Variants in ECE1 observed in about 807,000 individuals in gnomAD.
ECE1 encodes the protein endothelin converting enzyme 1.
Under a neutral mutation model 98.6 loss-of-function variants are expected in ECE1, and 35 were observed. The observed-to-expected ratio is 0.35, with a 90% CI of 0.27 to 0.47. The LOEUF (loss-of-function observed/expected upper bound fraction) is 0.47. Ranked by LOEUF, ECE1 falls within the 20% of genes least tolerant of loss-of-function variation. The pLI is 1.00. For missense variants in ECE1, 814 were observed against 1,025.3 expected (o/e 0.79, Z 2.81); for synonymous variants, 394 against 407.1 (o/e 0.97, Z 0.39).
intron 14 of ECE1, among the ~76,000 whole-genome samples, chr1:21,228,942 C>T (rs1464281642): frequency 3.3e-5 from 5 of 150,378 alleles, no homozygotes; most frequent in Admixed American, 2.0e-4. Flanking sequence ...CCGGGGTTCA[C>T]GCCATTCTCC....
intron 1 of ECE1, among the ~76,000 whole-genome samples, chr1:21,316,441 GT>G (rs1481026480): frequency 6.7e-6 from 1 of 149,544 alleles, no homozygotes. Context: ...GCTAATTTTT[GT>G]ATTTTTTTTT....
At chr1:21,252,091 G>A (rs1271471314) in intron 8 of ECE1, among the ~76,000 whole-genome samples, 2 of 152,300 alleles carry the variant, frequency 1.3e-5, no homozygotes, top group East Asian at 3.9e-4. Context: ...CACAGTGGAC[G>A]AGAGCTCCAT....
At chr1:21,339,120 G>T (rs920876040) in intron 1 of ECE1, among the ~76,000 whole-genome samples, 7 of 152,226 alleles carry the variant, frequency 4.6e-5, no homozygotes, top group African/African-American at 1.7e-4. Context: ...GAGCTGGGGA[G>T]CTGGGGATCT....
chr1:21,279,367 G>C (rs536975210), intron 2 of ECE1, 35 bp from the exon 3 acceptor site: 1 of 1,613,756 alleles, frequency 6.2e-7, no homozygotes, highest in African/African-American at 1.3e-5. Context: ...CGGGGAAGAC[G>C]TGAGCCCCGG....
intron 10 of ECE1, 113 bp downstream of exon 10, chr1:21,244,876 G>C (rs568477928): frequency 2.0e-6 from 2 of 986,870 alleles, no homozygotes; most frequent in East Asian, 5.0e-5. Flanking sequence ...CACTCCTTCC[G>C]GAAGCTTCTA....
At chr1:21,300,699 G>T (rs943442125) in intron 1 of ECE1, among the ~76,000 whole-genome samples, 1 of 152,156 alleles carries the variant, frequency 6.6e-6, no homozygotes, top group East Asian at 1.9e-4. Context: ...GCCTCCCAAA[G>T]TGCTTGGATT....
intron 2 of ECE1, among the ~76,000 whole-genome samples, chr1:21,285,689 CA>C (rs11454934): frequency 0.052 from 3,762 of 71,798 alleles, 152 homozygotes; most frequent in African/African-American, 0.15. Context: ...GACCCTGCCT[CA>C]AAAAAAAAAA....
Position 21,257,506 on chromosome 1 carries a change from A to C in ECE1, c.828+19T>G, listed in dbSNP as rs1412987355. 2 of 1,613,806 alleles carry C rather than the reference A, an allele frequency of 1.2e-6. No individual in the cohort carries two copies. The highest frequency in any genetic ancestry group is 3.3e-5 in the Admixed American group (2 of 59,978). ...GGACCGTGCTGGGAGGCAGGCTGGGAGGGGAGAGGCACGCTTACCTTCTCG... is the reference window on the plus strand; with the variant it reads ...GGACCGTGCTGGGAGGCAGGCTGGGCGGGGAGAGGCACGCTTACCTTCTCG... On this transcript the variant is annotated intron_variant, in intron 7 of 18. Coordinates refer to ENST00000374893, the MANE Select transcript of ECE1 (RefSeq NM_001397.3).
At chr1:21,344,223 G>A (rs1639454245) in intron 1 of ECE1, among the ~76,000 whole-genome samples, 1 of 152,142 alleles carries the variant, frequency 6.6e-6, no homozygotes, top group South Asian at 2.1e-4. Flanking sequence ...GCAGGGGCTG[G>A]GAACCACTGT....
At chr1:21,256,313 T>C (rs2098219897) in intron 7 of ECE1, among the ~76,000 whole-genome samples, 175 bp from the exon 8 acceptor site, 1 of 152,006 alleles carries the variant, frequency 6.6e-6, no homozygotes, top group Admixed American at 6.6e-5. Flanking sequence ...CCTGGCACTT[T>C]GGGAGGCTGA....
rs942361882 is a variant in ECE1 at position 21,223,764 on chromosome 1, A to G, written c.2040+1486T>C. 1.2e-4 allele frequency among the ~76,000 whole-genome samples: 18 copies of G among 151,636 alleles called. No individual in the cohort carries two copies. The East Asian group carries it at 3.1e-3, about 26-fold the overall frequency. On this transcript the variant is annotated intron_variant, in intron 17 of 18. Coordinates refer to ENST00000374893, the MANE Select transcript of ECE1 (RefSeq NM_001397.3). Reference sequence around the variant, plus strand: ...CAGGCATGAGCCACCGTGCCCAGCCATTTTTATATTTTTAGTAGAGATGAG... The same window carrying G: ...CAGGCATGAGCCACCGTGCCCAGCCGTTTTTATATTTTTAGTAGAGATGAG...
At chr1:21,234,931 G>T (rs1195575580) in intron 13 of ECE1, among the ~76,000 whole-genome samples, 1 of 152,200 alleles carries the variant, frequency 6.6e-6, no homozygotes, top group Non-Finnish European at 1.5e-5. Context: ...GATTCTCAAG[G>T]AAAAGGCAGC....
chr1:21,292,134 C>T (rs548739044), upstream of ECE1, among the ~76,000 whole-genome samples: 31 of 151,876 alleles, frequency 2.0e-4, no homozygotes, highest in East Asian at 1.2e-3. Flanking sequence ...CCAGCGTGGA[C>T]GACACAACAA....
chr1:21,306,741 C>T (rs1214973735), intron 1 of ECE1, among the ~76,000 whole-genome samples: 1 of 152,164 alleles, frequency 6.6e-6, no homozygotes, highest in Non-Finnish European at 1.5e-5. Flanking sequence ...AATATGACTC[C>T]AACTTGACCC....
intron 4 of ECE1, among the ~76,000 whole-genome samples, chr1:21,271,579 A>T (rs2098240264): frequency 6.6e-6 from 1 of 152,198 alleles, no homozygotes; most frequent in Non-Finnish European, 1.5e-5. Context: ...AGCAGGGGAC[A>T]GCAGCAGAGG....
intron 1 of ECE1, among the ~76,000 whole-genome samples, chr1:21,326,070 C>G (rs116447718): frequency 6.6e-6 from 1 of 152,026 alleles, no homozygotes; most frequent in Non-Finnish European, 1.5e-5. Context: ...GGTGTGGGGA[C>G]CAGGGGGCTG....
At chr1:21,280,242 A>G (rs1373193803) in intron 2 of ECE1, among the ~76,000 whole-genome samples, 3 of 152,132 alleles carry the variant, frequency 2.0e-5, no homozygotes, top group Admixed American at 2.0e-4. Context: ...CCACACCCAC[A>G]AGACAGGAAG....
intron 1 of ECE1, chr1:21,298,474 G>A (rs1036681042): frequency 1.6e-5 from 5 of 307,892 alleles, no homozygotes; most frequent in African/African-American, 1.1e-4. Flanking sequence ...ATCTTTCCAC[G>A]GACGTGAATG....
chr1:21,345,428 C>G lies in ECE1; in HGVS notation c.-50G>C. ...CGCGCAGCTCCCCGCGCCCGGCTCCCGATTCCCAGCTCCGGGTTCCCTGCT... is the reference window on the plus strand; with the variant it reads ...CGCGCAGCTCCCCGCGCCCGGCTCCGGATTCCCAGCTCCGGGTTCCCTGCT... On this transcript the variant is annotated 5_prime_UTR_variant, in exon 1 of 19. Coordinates refer to the ECE1 transcript ENST00000415912. This position sits in a 1 kb window ranked among gnomAD's most constrained non-coding sequence, Gnocchi z 5.1. The G allele has an allele frequency of 7.6e-7, 1 of 1,308,658 alleles. No homozygotes were observed. The highest frequency in any genetic ancestry group is 9.8e-7 in the Non-Finnish European group (1 of 1,017,408). 81.1% of individuals were successfully genotyped at this position (1,308,658 alleles called of 1,614,324 possible).
Sources: gnomAD v4.1 joint callset for allele counts (sites outside exome capture counted in the v4.1 genomes callset) on GRCh38, gnomAD v4.1.1 for gene constraint, Gnocchi (gnomAD v3.1) non-coding constraint, MANE v1.5 for transcripts, NCBI Gene and HGNC (gene_info 2026-07-23, HGNC 2026-07-21) for gene names.